Variants in WDR70 observed in about 807,000 individuals in gnomAD.
WDR70 encodes WD repeat-containing protein 70.
A neutral mutation model predicts 88.6 loss-of-function variants in WDR70; 53 were observed. The observed-to-expected ratio is 0.60, with a 90% CI of 0.48 to 0.75. The LOEUF is 0.75. Ranked by LOEUF, WDR70 falls within the 30% of genes least tolerant of loss-of-function variation. The pLI, the probability that WDR70 is intolerant of heterozygous loss-of-function variation, is 0.00. For missense variants in WDR70, 610 were observed against 823.2 expected (o/e 0.74, Z 3.17); for synonymous variants, 280 against 270.0 (o/e 1.04, Z -0.36).
intron 9 of WDR70, among the ~76,000 whole-genome samples, chr5:37,560,683 C>A (rs1310439164): frequency 6.6e-6 from 1 of 151,988 alleles, no homozygotes; most frequent in African/African-American, 2.4e-5. Flanking sequence ...AGAGACTAGG[C>A]CTCTTTGTTA....
chr5:37,464,117 G>A (rs1739090620), intron 7 of WDR70, among the ~76,000 whole-genome samples: 1 of 152,118 alleles, frequency 6.6e-6, no homozygotes, highest in Admixed American at 6.6e-5. Flanking sequence ...ATATTTTTTA[G>A]ATTTTCATTT....
At chr5:37,428,502 T>A (rs1750204611) in intron 5 of WDR70, among the ~76,000 whole-genome samples, 1 of 152,216 alleles carries the variant, frequency 6.6e-6, no homozygotes, top group African/African-American at 2.4e-5. Context: ...CATTCTAGAA[T>A]TTTATATAAA....
chr5:37,520,584 T>C (rs1168150917), intron 9 of WDR70, among the ~76,000 whole-genome samples: 1 of 152,118 alleles, frequency 6.6e-6, no homozygotes, highest in Non-Finnish European at 1.5e-5. Context: ...ATTAATAATA[T>C]AGCATGACTA....
At chr5:37,667,022 A>G (rs902783365) in intron 10 of WDR70, among the ~76,000 whole-genome samples, 20 of 152,156 alleles carry the variant, frequency 1.3e-4, no homozygotes, top group African/African-American at 4.6e-4. Flanking sequence ...ACCAGCCCCC[A>G]TGACTGGATC....
chr5:37,618,748 A>G (rs1744419070), intron 10 of WDR70, among the ~76,000 whole-genome samples: 1 of 152,204 alleles, frequency 6.6e-6, no homozygotes, highest in Admixed American at 6.5e-5. Context: ...ATGAGAAACC[A>G]TTACATGGAT....
chr5:37,626,229 A>G (rs932783941), intron 10 of WDR70, among the ~76,000 whole-genome samples: 10 of 152,064 alleles, frequency 6.6e-5, no homozygotes, highest in African/African-American at 1.7e-4. Context: ...TTTATTGTTC[A>G]TAAGATGTCA....
At chr5:37,670,871 G>A (rs1746005678) in intron 10 of WDR70, among the ~76,000 whole-genome samples, 1 of 152,146 alleles carries the variant, frequency 6.6e-6, no homozygotes, top group African/African-American at 2.4e-5. Flanking sequence ...CAGTGGCTGG[G>A]ACAATATTTG....
intron 9 of WDR70, among the ~76,000 whole-genome samples, chr5:37,586,753 T>C (rs1283730380): frequency 2.6e-5 from 4 of 152,196 alleles, no homozygotes; most frequent in Non-Finnish European, 5.9e-5. Context: ...TTTTCCTTTT[T>C]GCTGCCTATT....
At chr5:37,557,903 A>C (rs1742341099) in intron 9 of WDR70, among the ~76,000 whole-genome samples, 8 of 131,306 alleles carry the variant, frequency 6.1e-5, no homozygotes, top group African/African-American at 8.0e-5. Context: ...TCAGATTTAT[A>C]CTCTTTTGAA....
intron 8 of WDR70, among the ~76,000 whole-genome samples, chr5:37,511,787 C>G (rs1740729417): frequency 6.6e-6 from 1 of 152,152 alleles, no homozygotes; most frequent in South Asian, 2.1e-4. Flanking sequence ...AGGGCTAAAC[C>G]TTACTCCAGT....
intron 9 of WDR70, among the ~76,000 whole-genome samples, chr5:37,594,475 G>A (rs1206749482): frequency 7.2e-5 from 11 of 151,974 alleles, no homozygotes; most frequent in African/African-American, 2.2e-4. Context: ...GTTATTTCTG[G>A]GGCCTCTGTT....
At chr5:37,572,335 A>G (rs1183013860) in intron 9 of WDR70, among the ~76,000 whole-genome samples, 1 of 151,898 alleles carries the variant, frequency 6.6e-6, no homozygotes, top group Admixed American at 6.6e-5. Flanking sequence ...CTGGATCTAT[A>G]TGGTCTGTGG....
In WDR70 at chr5:37,674,790, T is replaced by A. The variant is rs1302532018; in HGVS notation, c.1093-22865T>A. Reference sequence around the variant, plus strand: ...GTCAAATGGTATTTCTAGTTCTAGATCCCTGAGGAATCGCCACACTGACTT... The same window carrying A: ...GTCAAATGGTATTTCTAGTTCTAGAACCCTGAGGAATCGCCACACTGACTT... On this transcript the variant is annotated intron_variant, in intron 10 of 17. Coordinates refer to ENST00000265107, the MANE Select transcript of WDR70 (RefSeq NM_018034.4). 7.2e-5 allele frequency among the ~76,000 whole-genome samples: 11 copies of A among 151,866 alleles called. No homozygotes were observed. In the East Asian group the frequency reaches 1.2e-3, roughly 16 times the overall value.
chr5:37,489,350 G>A (rs969352714), intron 8 of WDR70, among the ~76,000 whole-genome samples: 5 of 152,150 alleles, frequency 3.3e-5, no homozygotes, highest in African/African-American at 1.2e-4. Context: ...CATTGTGCAT[G>A]GTGTTGGTGA....
In WDR70 at chr5:37,548,619, T is replaced by A. The variant is rs1032993381; in HGVS notation, c.917+32029T>A. On this transcript the variant is annotated intron_variant, in intron 9 of 17. Coordinates refer to ENST00000265107, the MANE Select transcript of WDR70 (RefSeq NM_018034.4). ...TCTCTTCACTTTGTTGATTGTTTCC[T>A]TTGCTGTGCAGAAACTTTTTAACTT... 3.3e-5 allele frequency among the ~76,000 whole-genome samples: 5 copies of A among 152,194 alleles called. No individual in the cohort carries two copies. The East Asian group carries it at 9.6e-4, about 29-fold the overall frequency.
intron 17 of WDR70, among the ~76,000 whole-genome samples, chr5:37,743,986 G>C (rs1429486532): frequency 6.6e-6 from 1 of 152,188 alleles, no homozygotes; most frequent in Non-Finnish European, 1.5e-5. Flanking sequence ...AACAGAGATT[G>C]TCAGACGCCC....
At chr5:37,393,285 CCGCCTTGGCCT>C (rs1748902828) in intron 4 of WDR70, among the ~76,000 whole-genome samples, 1 of 150,744 alleles carries the variant, frequency 6.6e-6, no homozygotes, top group East Asian at 2.0e-4. Context: ...TGTGATCCAC[CCGCCTTGGCCT>C]CCCAAAGTGC....
At chr5:37,505,432 C>T (rs1431394767) in intron 8 of WDR70, among the ~76,000 whole-genome samples, 2 of 152,038 alleles carry the variant, frequency 1.3e-5, no homozygotes, top group African/African-American at 4.8e-5. Context: ...AGTGGAACCC[C>T]CCTACCCCAT....
intron 9 of WDR70, among the ~76,000 whole-genome samples, chr5:37,530,743 T>C (rs1166363641): frequency 1.3e-5 from 2 of 151,198 alleles, no homozygotes; most frequent in Non-Finnish European, 2.9e-5. Context: ...ATCTTTTCAA[T>C]AAACTAGCTT....
Sources: allele counts gnomAD v4.1 joint callset (sites outside exome capture counted in the v4.1 genomes callset), GRCh38; gene constraint gnomAD v4.1.1; transcripts MANE v1.5; gene names NCBI Gene and HGNC (gene_info 2026-07-23, HGNC 2026-07-21).